CAST: variants seen among roughly 807,000 people sequenced by gnomAD.
CAST encodes MIR583 host.
In CAST, 76 loss-of-function variants were observed where a neutral mutation model predicts 119.6. That is an observed-to-expected ratio of 0.64 (90% CI 0.53 to 0.77). CAST has a LOEUF of 0.77. Ranked by LOEUF, CAST falls within the 30% of genes least tolerant of loss-of-function variation. The probability of loss-of-function intolerance (pLI) is 0.00; values close to 1 mark genes in which losing one functional copy is unlikely to be tolerated. For synonymous variants in CAST, 319 were observed against 331.6 expected (o/e 0.96, Z 0.41); for missense variants, 953 against 946.5 (o/e 1.01, Z -0.09).
At chr5:96,603,199 C>T (rs144415240) in intron 1 of CAST, among the ~76,000 whole-genome samples, 11 of 152,124 alleles carry the variant, frequency 7.2e-5, no homozygotes, top group Non-Finnish European at 1.0e-4. Context: ...AAGAATAGGG[C>T]GTTGTAATGG....
In CAST at chr5:96,608,512, TA is replaced by T. The variant is rs1227992959; in HGVS notation, c.61-67019del. ...AAAATTAAAATTGAATTGCTTACAT[TA>T]AAAAAAAGAACTTGACAAATCGAGC... On this transcript the variant is annotated intron_variant, in intron 1 of 11. Transcript: ENST00000505143. Among the ~76,000 whole-genome samples the T allele has an allele frequency of 2.7e-5, 4 of 150,706 alleles. No individual in the cohort carries two copies. The East Asian group carries it at 7.8e-4, about 29-fold the overall frequency.
chr5:96,193,439 C>T, the CAST span, among the ~76,000 whole-genome samples: 7 of 152,194 alleles, frequency 4.6e-5, no homozygotes, highest in Middle Eastern at 6.8e-3. Context: ...GGAAATAATC[C>T]TTTTAACCTG....
chr5:96,534,093 G>A (rs567861262), intron 1 of CAST, among the ~76,000 whole-genome samples: 1 of 152,146 alleles, frequency 6.6e-6, no homozygotes, highest in Non-Finnish European at 1.5e-5. Flanking sequence ...AACCTGACAG[G>A]TTCCTAATAC....
chr5:96,454,095 T>G, the CAST span, among the ~76,000 whole-genome samples: 1 of 152,160 alleles, frequency 6.6e-6, no homozygotes, highest in Non-Finnish European at 1.5e-5. Flanking sequence ...TATATCTTTT[T>G]TTTTCCAACT....
At chr5:96,325,405 T>C in the CAST span, among the ~76,000 whole-genome samples, 7 of 151,544 alleles carry the variant, frequency 4.6e-5, no homozygotes, top group African/African-American at 1.7e-4. Flanking sequence ...TTCTTTTCTT[T>C]CTTTCTCTCT....
At chr5:96,538,708 A>C (rs1046550091) in intron 1 of CAST, among the ~76,000 whole-genome samples, 15 of 151,584 alleles carry the variant, frequency 9.9e-5, no homozygotes, top group African/African-American at 3.2e-4. Flanking sequence ...ACATTGAAAC[A>C]CTGTCTCTTC....
In CAST at chr5:96,628,256, G is replaced by T. The variant is rs539438120; in HGVS notation, c.61-47283G>T. 3.9e-5 allele frequency among the ~76,000 whole-genome samples: 6 copies of T among 152,304 alleles called. No individual in the cohort carries two copies. The South Asian group carries it at 1.2e-3, about 32-fold the overall frequency. On this transcript the variant is annotated intron_variant, in intron 1 of 11. Transcript: ENST00000505143. ...GGTTAATAAATATATAACTTTAGCA[G>T]GTCAGACACTGCCCTATGGCCAAAA...
chr5:96,540,301 C>A (rs1297781108), intron 1 of CAST, among the ~76,000 whole-genome samples: 1 of 152,048 alleles, frequency 6.6e-6, no homozygotes, highest in Non-Finnish European at 1.5e-5. Context: ...TATCATTCTC[C>A]TTCTGCCTAA....
chr5:96,705,482 C>T (rs751202008), intron 3 of CAST, among the ~76,000 whole-genome samples: 6 of 151,938 alleles, frequency 3.9e-5, no homozygotes, highest in South Asian at 4.2e-4. Context: ...TTGAACATTG[C>T]GATTTGGGCA....
At chr5:96,187,011 C>A in the CAST span, among the ~76,000 whole-genome samples, 1 of 152,180 alleles carries the variant, frequency 6.6e-6, no homozygotes, top group African/African-American at 2.4e-5. Context: ...ATATTTATTA[C>A]TGCCTCAATT....
chr5:96,761,648 T>C (rs1303914154), intron 24 of CAST: 3 of 152,278 alleles, frequency 2.0e-5, no homozygotes, highest in Non-Finnish European at 4.4e-5. Flanking sequence ...AAAGGGAGTA[T>C]TTGAAATGAA....
chr5:96,067,119 A>G, the CAST span, among the ~76,000 whole-genome samples: 1 of 152,180 alleles, frequency 6.6e-6, no homozygotes, highest in Non-Finnish European at 1.5e-5. Context: ...AAACAAATTT[A>G]TATTCAGGTT....
At chr5:96,630,079 A>C (rs1173040620) in intron 1 of CAST, among the ~76,000 whole-genome samples, 1 of 152,190 alleles carries the variant, frequency 6.6e-6, no homozygotes, top group Non-Finnish European at 1.5e-5. Flanking sequence ...CATTCATTCA[A>C]ATAATATTTA....
At chr5:96,722,775 TTGA>T in intron 4 of CAST, 77 bp downstream of exon 4, 2 of 1,009,694 alleles carry the variant, frequency 2.0e-6, no homozygotes, top group Non-Finnish European at 3.2e-6. Flanking sequence ...AGACTAATTG[TTGA>T]TGATGAGTTA....
intron 1 of CAST, among the ~76,000 whole-genome samples, chr5:96,663,372 G>C (rs1445002078): frequency 6.6e-6 from 1 of 152,228 alleles, no homozygotes; most frequent in East Asian, 1.9e-4. Flanking sequence ...GTATGTATGA[G>C]CGCGCCCGAG....
At chr5:96,486,284 A>G in the CAST span, among the ~76,000 whole-genome samples, 4 of 152,152 alleles carry the variant, frequency 2.6e-5, no homozygotes, top group South Asian at 6.2e-4. Context: ...CCAGGAAGGG[A>G]GGAGTAATCT....
the CAST span, among the ~76,000 whole-genome samples, chr5:96,493,815 ACC>A: frequency 6.6e-6 from 1 of 152,168 alleles, no homozygotes; most frequent in Non-Finnish European, 1.5e-5. Context: ...AAGGTGGATC[ACC>A]TGAGGTCAGG....
chr5:96,307,721 G>T, the CAST span, among the ~76,000 whole-genome samples: 50 of 152,146 alleles, frequency 3.3e-4, 1 homozygote, highest in Non-Finnish European at 4.4e-5. Flanking sequence ...AGCTTGGTTT[G>T]GCTGGATATG....
the CAST span, among the ~76,000 whole-genome samples, chr5:96,438,301 T>A: frequency 0.28 from 42,035 of 152,088 alleles, 6,003 homozygotes; most frequent in Middle Eastern, 0.36. Context: ...CAGCTTTCCC[T>A]GGGGTTTACA....
Sources: allele counts gnomAD v4.1 joint callset (sites outside exome capture counted in the v4.1 genomes callset), GRCh38; gene constraint gnomAD v4.1.1; transcripts MANE v1.5; gene names NCBI Gene and HGNC (gene_info 2026-07-23, HGNC 2026-07-21).